The following TPM4 variants were observed in gnomAD, a reference collection of about 807,000 sequenced individuals.
TPM4 encodes tropomyosin alpha-4 chain.
Under a neutral mutation model 35.8 loss-of-function variants are expected in TPM4, and 17 were observed. That is an observed-to-expected ratio of 0.47 (90% confidence interval 0.32 to 0.71). TPM4 has a LOEUF of 0.71. TPM4 is among the 30% of genes least tolerant of loss of function. The pLI is 0.03. For missense variants in TPM4, 240 were observed against 320.9 expected (o/e 0.75, Z 1.93); for synonymous variants, 120 against 122.9 (o/e 0.98, Z 0.15).
intron 1 of TPM4, chr19:16,078,090 G>C: frequency 2.5e-6 from 1 of 398,544 alleles, no homozygotes; most frequent in Admixed American, 4.4e-5. Context: ...TGTTTTCTCT[G>C]CCCTGGGAAG....
chr19:16,069,555 T>TGTGTGTGGATGA (rs2090333962), intron 2 of TPM4, among the ~76,000 whole-genome samples: 1 of 22,838 alleles, frequency 4.4e-5, no homozygotes, highest in Non-Finnish European at 9.7e-5. Context: ...TGGATGAGTG[T>TGTGTGTGGATGA]GTGTTTCTAT....
intron 7 of TPM4, among the ~76,000 whole-genome samples, chr19:16,097,925 T>A (rs2090719242): frequency 6.6e-6 from 1 of 152,154 alleles, no homozygotes; most frequent in African/African-American, 2.4e-5. Flanking sequence ...TGCTCCTAAC[T>A]GCCGTCCATC....
chr19:16,082,990 CAAAAAAAAA>C (rs1195606325), intron 2 of TPM4, among the ~76,000 whole-genome samples: 2 of 62,854 alleles, frequency 3.2e-5, no homozygotes, highest in African/African-American at 1.2e-4. Flanking sequence ...GATTCTGTCT[CAAAAAAAAA>C]AAAAAAAAAA....
intron 2 of TPM4, among the ~76,000 whole-genome samples, chr19:16,069,166 T>G (rs773140727): frequency 7.9e-5 from 12 of 152,218 alleles, no homozygotes; most frequent in Non-Finnish European, 1.3e-4. Context: ...ACGCACATGT[T>G]TGGATGTGTG....
chr19:16,086,675 TC>T, intron 3 of TPM4, 135 bp downstream of exon 3: 1 of 688,548 alleles, frequency 1.5e-6, no homozygotes, highest in Non-Finnish European at 2.5e-6. Context: ...CATATGTTTG[TC>T]CAGAGACAAC....
chr19:16,101,144 C>G, intron 7 of TPM4, 120 bp from the exon 8 acceptor site: 5 of 795,046 alleles, frequency 6.3e-6, no homozygotes, highest in Non-Finnish European at 9.5e-6. Flanking sequence ...GCACTCCAGC[C>G]TGGGTGACAG....
At chr19:16,095,349 G>T in intron 7 of TPM4, 1 of 1,036,870 alleles carries the variant, frequency 9.6e-7, no homozygotes. Context: ...CTCTCTGAGA[G>T]GCAGCCAGGT....
upstream of TPM4, chr19:16,076,151 C>T: frequency 6.4e-7 from 1 of 1,565,850 alleles, no homozygotes; most frequent in Non-Finnish European, 8.7e-7. Flanking sequence ...AGCTGGAGCT[C>T]ACGGAGAAGA....
chr19:16,097,146 G>T (rs1398748972), intron 7 of TPM4, among the ~76,000 whole-genome samples: 5 of 151,316 alleles, frequency 3.3e-5, no homozygotes, highest in African/African-American at 1.2e-4. Context: ...TAGAGATGGG[G>T]TTTCACCATG....
intron 2 of TPM4, among the ~76,000 whole-genome samples, chr19:16,083,934 A>AT (rs1354138705): frequency 6.6e-6 from 1 of 151,726 alleles, no homozygotes; most frequent in Non-Finnish European, 1.5e-5. Flanking sequence ...ATGCCCAGCT[A>AT]ATTTTTTTTT....
At chr19:16,075,955 G>A (rs957065381), upstream of TPM4, 141 of 1,487,450 alleles carry the variant, frequency 9.5e-5, 1 homozygote, top group Non-Finnish European at 1.2e-4. Context: ...AGAGACGGAG[G>A]ACTCTTGTGA....
In TPM4 at chr19:16,070,279, C is replaced by A. The variant is rs1276734037; in HGVS notation, c.114+2541C>A. On this transcript the variant is annotated intron_variant, in intron 2 of 2. Transcript: ENST00000589897. The surrounding 1 kb of genome is among the most constrained non-coding windows in gnomAD (Gnocchi z 7.4). ...CTGGCAATGAGAATGCATTGGAGTT[C>A]CAAGGCCGTGGCCATGGTTTGGGGC... is the stretch of plus-strand genomic sequence containing the variant. Among the ~76,000 whole-genome samples the A allele has an allele frequency of 1.3e-5, 2 of 152,136 alleles. No homozygotes were observed. Among genetic ancestry groups the A allele is most frequent in the Non-Finnish European group, 2.9e-5 (2 of 68,018 alleles).
chr19:16,092,062 T>G (rs899603189), intron 5 of TPM4, among the ~76,000 whole-genome samples: 4 of 151,750 alleles, frequency 2.6e-5, no homozygotes, highest in Non-Finnish European at 2.9e-5. Flanking sequence ...GCCCAGCTAC[T>G]TGGGAGGCTG....
intron 5 of TPM4, among the ~76,000 whole-genome samples, chr19:16,090,824 A>ATTTTTT (rs1017045831): frequency 8.1e-6 from 1 of 123,400 alleles, no homozygotes; most frequent in African/African-American, 3.1e-5. Context: ...TGTGTGTGTA[A>ATTTTTT]TTTTTTTTTT....
At chr19:16,090,824 A>ATTTT (rs1017045831) in intron 5 of TPM4, among the ~76,000 whole-genome samples, 5 of 123,394 alleles carry the variant, frequency 4.1e-5, no homozygotes, top group Non-Finnish European at 5.1e-5. Context: ...TGTGTGTGTA[A>ATTTT]TTTTTTTTTT....
intron 2 of TPM4, among the ~76,000 whole-genome samples, chr19:16,083,634 C>G (rs1301059258): frequency 1.4e-5 from 2 of 144,132 alleles, no homozygotes; most frequent in African/African-American, 5.8e-5. Context: ...AAAGGAGTTC[C>G]TTGTGTGGCA....
rs2228367 is a variant in TPM4, at chr19:16,086,510, T to C, written c.354T>C (p.Ile118=). 0.025 allele frequency: 40,330 copies of C among 1,613,716 alleles called. 1,172 individuals carry two copies. Among genetic ancestry groups the C allele is most frequent in the African/African-American group, 0.14 (10,796 of 74,936 alleles). Residue 118 remains isoleucine (I), a synonymous_variant, in exon 3 of 8, where the codon ATT becomes ATC. Transcript: ENST00000643579. ...QEMQLKEAKH[I]AEEADRKYEE... The stretch of plus-strand genomic sequence containing the variant: ...TGCAGCTCAAAGAGGCCAAGCACAT[T>C]GCGGAAGAGGCTGACCGCAAATACG...
chr19:16,098,181 G>A (rs368773591), intron 7 of TPM4, among the ~76,000 whole-genome samples: 2 of 152,148 alleles, frequency 1.3e-5, no homozygotes, highest in Admixed American at 1.3e-4. Context: ...GGTGGCTCAC[G>A]CCTGTAATCC....
chr19:16,077,798 G>A (rs1431123829), intron 1 of TPM4, among the ~76,000 whole-genome samples: 2 of 152,142 alleles, frequency 1.3e-5, no homozygotes, highest in Non-Finnish European at 2.9e-5. Flanking sequence ...GTCTCACTCT[G>A]TCGCCCAGGC....
Sources: gnomAD v4.1 joint callset for allele counts (sites outside exome capture counted in the v4.1 genomes callset) on GRCh38, gnomAD v4.1.1 for gene constraint, Gnocchi (gnomAD v3.1) non-coding constraint, MANE v1.5 for transcripts, NCBI Gene and HGNC (gene_info 2026-07-23, HGNC 2026-07-21) for gene names.